Variants in APBA1 observed in about 807,000 individuals in gnomAD.
APBA1 encodes amyloid-beta A4 precursor protein-binding family A member 1.
A neutral mutation model predicts 86.6 loss-of-function variants in APBA1; 55 were observed. The observed-to-expected ratio is 0.64, with a 90% CI of 0.51 to 0.80. The LOEUF (loss-of-function observed/expected upper bound fraction) is 0.80, where lower values mean the gene tolerates loss of function less well. Ranked by LOEUF, APBA1 falls within the 30% of genes least tolerant of loss-of-function variation. The pLI is 0.00. For synonymous variants in APBA1, 511 were observed against 493.9 expected (o/e 1.03, Z -0.46); for missense variants, 1,090 against 1,183.0 (o/e 0.92, Z 1.15).
At chr9:69,640,066 T>C (rs887850812) in intron 1 of APBA1, among the ~76,000 whole-genome samples, 14 of 152,124 alleles carry the variant, frequency 9.2e-5, no homozygotes, top group Middle Eastern at 3.2e-3. Flanking sequence ...AACCATTTTT[T>C]CCTCAACAAA....
chr9:69,496,390 T>C (rs1009012438), intron 2 of APBA1, among the ~76,000 whole-genome samples: 1 of 151,904 alleles, frequency 6.6e-6, no homozygotes, highest in Non-Finnish European at 1.5e-5. Context: ...GACCAAAAGG[T>C]AGAAAAAAAG....
At chr9:69,496,502 C>T (rs920391807) in intron 2 of APBA1, among the ~76,000 whole-genome samples, 3 of 152,006 alleles carry the variant, frequency 2.0e-5, no homozygotes, top group Admixed American at 6.5e-5. Flanking sequence ...AAGTGGGAAA[C>T]GGGGCCAGAG....
intron 2 of APBA1, among the ~76,000 whole-genome samples, chr9:69,488,295 A>G (rs1835643916): frequency 1.3e-5 from 2 of 152,086 alleles, no homozygotes; most frequent in Non-Finnish European, 2.9e-5. Flanking sequence ...TGTGATTTGA[A>G]GGTTATTTTG....
Position 69,516,240 on chromosome 9 carries a change from C to G in APBA1, c.971G>C (p.Arg324Pro). The G allele has an allele frequency of 7.2e-7, 1 of 1,395,198 alleles. No homozygotes were observed. Among genetic ancestry groups the G allele is most frequent in the Middle Eastern group, 2.0e-4 (1 of 5,128 alleles). 86.4% of individuals were successfully genotyped at this position (1,395,198 alleles called of 1,614,324 possible). ...PGLQAPAGQQ[R>P]AVGPAGGGEA... Reference sequence around the variant, plus strand: ...GCCGCCGCCCGCGGGGCCCACCGCCCGCTGCTGCCCCGCCGGCGCCTGCAG... The same window carrying G: ...GCCGCCGCCCGCGGGGCCCACCGCCGGCTGCTGCCCCGCCGGCGCCTGCAG... Residue 324 changes from arginine to proline, a missense_variant, in exon 2 of 13, where the codon CGG (arginine) becomes CCG (proline). Arg to Pro is a moderately radical substitution (Grantham distance 103). Around this residue, in one of 6 missense-constraint regions of APBA1, gnomAD observed 678 missense variants for 647.1 expected, o/e 1.05. Coordinates refer to ENST00000265381, the MANE Select transcript of APBA1 (RefSeq NM_001163.4). The surrounding 1 kb of genome is among the most constrained non-coding windows in gnomAD (Gnocchi z 7.3).
At chr9:69,607,364 C>CA (rs1457784370) in intron 1 of APBA1, among the ~76,000 whole-genome samples, 1 of 152,092 alleles carries the variant, frequency 6.6e-6, no homozygotes, top group African/African-American at 2.4e-5. Flanking sequence ...ATGAGAACAG[C>CA]ATGGGAAGGA....
chr9:69,469,844 A>G (rs550383816), intron 4 of APBA1, among the ~76,000 whole-genome samples: 25 of 152,380 alleles, frequency 1.6e-4, no homozygotes, highest in Non-Finnish European at 3.1e-4. Context: ...TGCCAACCAG[A>G]TATGAAGAAG....
chr9:69,542,641 G>C (rs916081980), intron 1 of APBA1, among the ~76,000 whole-genome samples: 8 of 152,216 alleles, frequency 5.3e-5, no homozygotes, highest in African/African-American at 1.9e-4. Flanking sequence ...TAAATAGCAA[G>C]GAGTGTGATT....
intron 1 of APBA1, among the ~76,000 whole-genome samples, chr9:69,605,579 C>T (rs1822454801): frequency 6.6e-6 from 1 of 152,142 alleles, no homozygotes; most frequent in Admixed American, 6.6e-5. Context: ...CAAATGTTAG[C>T]TTACGTTGTC....
At chr9:69,446,673 A>G (rs1197646119) in intron 10 of APBA1, among the ~76,000 whole-genome samples, 3 of 152,172 alleles carry the variant, frequency 2.0e-5, no homozygotes, top group Non-Finnish European at 4.4e-5. Flanking sequence ...GCAGATAAGG[A>G]AGGAGCGATT....
At chr9:69,552,977 C>T (rs1334903061) in intron 1 of APBA1, among the ~76,000 whole-genome samples, 1 of 146,134 alleles carries the variant, frequency 6.8e-6, no homozygotes, top group African/African-American at 2.5e-5. Context: ...AATCTCAGAT[C>T]ATTGCAGCCT....
intron 1 of APBA1, among the ~76,000 whole-genome samples, chr9:69,583,029 G>A (rs1280558289): frequency 6.6e-6 from 1 of 152,180 alleles, no homozygotes; most frequent in African/African-American, 2.4e-5. Context: ...CTGAGCTAAG[G>A]AATCTGGTAT....
chr9:69,497,613 T>C (rs1376791734), intron 2 of APBA1, among the ~76,000 whole-genome samples: 2 of 152,112 alleles, frequency 1.3e-5, no homozygotes, highest in Non-Finnish European at 2.9e-5. Flanking sequence ...CTTTTGACAA[T>C]GGCAGTCCCT....
intron 1 of APBA1, among the ~76,000 whole-genome samples, chr9:69,529,566 T>C: frequency 6.6e-6 from 1 of 152,172 alleles, no homozygotes. Context: ...AGAGATATGG[T>C]ATCTGCATTT....
intron 1 of APBA1, among the ~76,000 whole-genome samples, chr9:69,547,660 A>C (rs1178578365): frequency 6.6e-6 from 1 of 152,234 alleles, no homozygotes; most frequent in Non-Finnish European, 1.5e-5. Context: ...CAATTGTATT[A>C]ATTGTCCATT....
intron 2 of APBA1, among the ~76,000 whole-genome samples, chr9:69,483,051 A>G (rs1178174714): frequency 1.3e-5 from 2 of 149,988 alleles, no homozygotes; most frequent in African/African-American, 4.9e-5. Context: ...GCGCACCAGC[A>G]TGGCACATGT....
intron 1 of APBA1, among the ~76,000 whole-genome samples, chr9:69,646,923 G>A (rs1437840589): frequency 6.6e-6 from 1 of 152,174 alleles, no homozygotes. Flanking sequence ...CCATGAATAA[G>A]TCCTGAGACA....
At position 69,432,255 on chromosome 9, in the gene APBA1, A is replaced by C. The variant is rs939781775; in HGVS notation, c.2442+281T>G. ...GGAGGCAACTTAGGCGGCCATACAG[A>C]AAAGCAACAGAAAGCTGAGTGTTAA... On this transcript the variant is annotated intron_variant, in intron 12 of 12. Coordinates refer to ENST00000265381, the MANE Select transcript of APBA1 (RefSeq NM_001163.4). 1.1e-4 allele frequency among the ~76,000 whole-genome samples: 16 copies of C among 152,360 alleles called. No homozygotes were observed. In the South Asian group the frequency reaches 1.7e-3, roughly 16 times the overall value.
chr9:69,457,154 T>C lies in APBA1; in HGVS notation c.1516-15A>G. 1.2e-6 allele frequency: 2 copies of C among 1,610,550 alleles called. No homozygotes were observed. The highest frequency in any genetic ancestry group is 1.7e-6 in the Non-Finnish European group (2 of 1,176,840). ...CCTTCAGGAGCCTGAGAAGAAAAAA[T>C]GCACCAAGAGAAAGTTTGACCACAC... On this transcript the variant is annotated splice_polypyrimidine_tract_variant and intron_variant, in intron 6 of 12. Coordinates refer to ENST00000265381, the MANE Select transcript of APBA1 (RefSeq NM_001163.4).
chr9:69,604,343 G>C (rs1043622758), intron 1 of APBA1, among the ~76,000 whole-genome samples: 1 of 137,524 alleles, frequency 7.3e-6, no homozygotes, highest in African/African-American at 2.8e-5. Flanking sequence ...CACACATGAG[G>C]GTAAGTGGAG....
Sources: allele counts gnomAD v4.1 joint callset (sites outside exome capture counted in the v4.1 genomes callset), GRCh38; gene constraint gnomAD v4.1.1; regional missense constraint gnomAD v4.1.1; non-coding constraint Gnocchi (gnomAD v3.1); transcripts MANE v1.5; gene names NCBI Gene and HGNC (gene_info 2026-07-23, HGNC 2026-07-21).